The following IMPG1 variants were observed in gnomAD, a reference collection of about 807,000 sequenced individuals.
The protein encoded by IMPG1 is interphotoreceptor matrix proteoglycan 1, also known as interphotoreceptor matrix proteoglycan of 150 kDa.
IMPG1 carries 85 observed loss-of-function variants against 92.0 expected under a neutral mutation model. The ratio of observed to expected loss-of-function variants is 0.92; its 90% CI spans 0.78 to 1.11. IMPG1 has a LOEUF of 1.11. Among genes scored for constraint, IMPG1 ranks in the 50% least tolerant of loss-of-function variants. The pLI is 0.00. For synonymous variants in IMPG1, 367 were observed against 334.1 expected (o/e 1.10, Z -1.08); for missense variants, 1,022 against 956.0 (o/e 1.07, Z -0.91).
intron 5 of IMPG1, among the ~76,000 whole-genome samples, chr6:76,022,796 G>A (rs1562373630): frequency 6.6e-6 from 1 of 152,038 alleles, no homozygotes; most frequent in Non-Finnish European, 1.5e-5. Context: ...AAAGAAAAAA[G>A]CGTTATTATA....
chr6:76,039,519 C>A (rs1175122294), intron 2 of IMPG1, among the ~76,000 whole-genome samples: 3 of 152,122 alleles, frequency 2.0e-5, no homozygotes, highest in African/African-American at 7.2e-5. Flanking sequence ...CCATGCCCAG[C>A]TAATTTTTGT....
chr6:76,038,254 G>A (rs1783776063), intron 2 of IMPG1, among the ~76,000 whole-genome samples: 3 of 152,156 alleles, frequency 2.0e-5, no homozygotes, highest in African/African-American at 7.2e-5. Context: ...ACAGGACACA[G>A]AACTACTCAA....
At chr6:76,041,010 C>T (rs891579859) in intron 2 of IMPG1, among the ~76,000 whole-genome samples, 1 of 151,928 alleles carries the variant, frequency 6.6e-6, no homozygotes, top group Non-Finnish European at 1.5e-5. Flanking sequence ...CTAGTGTGAT[C>T]AAGATAGAAA....
At chr6:76,034,895 T>G in intron 2 of IMPG1, 108 bp from the exon 3 acceptor site, 1 of 872,444 alleles carries the variant, frequency 1.1e-6, no homozygotes, top group Non-Finnish European at 1.8e-6. Context: ...GTCGACACAC[T>G]AATTTACAGT....
intron 12 of IMPG1, among the ~76,000 whole-genome samples, chr6:75,999,265 A>C (rs2149475735): frequency 6.6e-6 from 1 of 152,324 alleles, no homozygotes; most frequent in Admixed American, 6.5e-5. Context: ...TATACAACAT[A>C]CCAATTCTTT....
intron 2 of IMPG1, 67 bp from the exon 3 acceptor site, chr6:76,034,854 T>C: frequency 7.4e-7 from 1 of 1,350,488 alleles, no homozygotes; most frequent in Non-Finnish European, 1.0e-6. Context: ...AAGCAAAGTC[T>C]AATAACATGG....
intron 12 of IMPG1, among the ~76,000 whole-genome samples, chr6:75,982,839 T>A (rs1466647336): frequency 6.6e-6 from 1 of 152,068 alleles, no homozygotes; most frequent in South Asian, 2.1e-4. Flanking sequence ...GTTTCTACTG[T>A]CACCAAAAGA....
intron 2 of IMPG1, among the ~76,000 whole-genome samples, chr6:76,040,252 A>G (rs1783812557): frequency 6.6e-6 from 1 of 152,242 alleles, no homozygotes; most frequent in Non-Finnish European, 1.5e-5. Context: ...AGCTGAGAAT[A>G]AAAATTCAGA....
At chr6:75,997,656 G>C (rs1782925035) in intron 12 of IMPG1, among the ~76,000 whole-genome samples, 1 of 152,202 alleles carries the variant, frequency 6.6e-6, no homozygotes, top group African/African-American at 2.4e-5. Flanking sequence ...ATATCCTCCA[G>C]GCATTTACTG....
At chr6:76,003,206 T>A (rs1390612815) in intron 11 of IMPG1, among the ~76,000 whole-genome samples, 1 of 152,228 alleles carries the variant, frequency 6.6e-6, no homozygotes, top group Non-Finnish European at 1.5e-5. Flanking sequence ...GATCTATTGC[T>A]TCTCGGATAA....
chr6:76,061,820 T>C (rs1210134148), intron 1 of IMPG1, among the ~76,000 whole-genome samples: 3 of 152,234 alleles, frequency 2.0e-5, no homozygotes. Context: ...GCAACTGGTA[T>C]TTCCATTATG....
intron 12 of IMPG1, among the ~76,000 whole-genome samples, chr6:75,965,280 A>G (rs1331211987): frequency 6.6e-6 from 1 of 152,184 alleles, no homozygotes; most frequent in Non-Finnish European, 1.5e-5. Context: ...GCTATTTTAC[A>G]GAGAGGCTGT....
chr6:75,988,523 C>G (rs1420540391), intron 12 of IMPG1, among the ~76,000 whole-genome samples: 1 of 152,086 alleles, frequency 6.6e-6, no homozygotes, highest in Non-Finnish European at 1.5e-5. Context: ...TAGATATTAG[C>G]CCTTTGGTGT....
intron 1 of IMPG1, among the ~76,000 whole-genome samples, chr6:76,044,774 C>T (rs1783908126): frequency 6.6e-6 from 1 of 152,146 alleles, no homozygotes; most frequent in South Asian, 2.1e-4. Flanking sequence ...AGTATCTACT[C>T]TACCCTGGCT....
At chr6:76,005,707 A>G (rs562413051) in intron 9 of IMPG1, among the ~76,000 whole-genome samples, 173 bp from the exon 10 acceptor site, 1 of 152,350 alleles carries the variant, frequency 6.6e-6, no homozygotes, top group Non-Finnish European at 1.5e-5. Context: ...TTAAAATATG[A>G]AAAAAGAATA....
In IMPG1 at chr6:75,951,112, T is replaced by C. The variant is rs2149457773; in HGVS notation, c.1292-18A>G. The C allele has an allele frequency of 6.4e-7, 1 of 1,553,140 alleles. No individual in the cohort carries two copies. Among genetic ancestry groups the C allele is most frequent in the Non-Finnish European group, 8.7e-7 (1 of 1,146,084 alleles). On this transcript the variant is annotated intron_variant, in intron 12 of 16. Coordinates refer to ENST00000369950, the MANE Select transcript of IMPG1 (RefSeq NM_001563.4). ...AGAAGTGTCTGTGGAGGAAGTACAATTTCATTATGTCCAAGTATTCCCCAA... is the reference window on the plus strand; with the variant it reads ...AGAAGTGTCTGTGGAGGAAGTACAACTTCATTATGTCCAAGTATTCCCCAA...
At chr6:75,953,878 T>C (rs1018668054) in intron 12 of IMPG1, among the ~76,000 whole-genome samples, 6 of 152,226 alleles carry the variant, frequency 3.9e-5, no homozygotes, top group African/African-American at 1.4e-4. Flanking sequence ...TTTTCTGTTC[T>C]TGTGTTAGTT....
In IMPG1 at chr6:75,924,677, T is replaced by TA. The variant is rs1491326657; in HGVS notation, c.2244-972_2244-971insT. ...TATATAATATATAATAAATTATATA[T>TA]TATATATTATATATAAATAATTATA... On this transcript the variant is annotated intron_variant, in intron 15 of 16. Coordinates refer to ENST00000369950, the MANE Select transcript of IMPG1 (RefSeq NM_001563.4). Among the ~76,000 whole-genome samples, 2 of 3,288 alleles carry TA rather than the reference T, an allele frequency of 6.1e-4. 1 individual carries two copies. Among genetic ancestry groups the TA allele is most frequent in the Non-Finnish European group, 1.4e-3 (2 of 1,476 alleles). The allele number at this position is 3,288 out of a possible 152,430, so 2.2% of individuals were successfully genotyped here.
chr6:75,945,712 A>G (rs1781915765), intron 14 of IMPG1, among the ~76,000 whole-genome samples: 1 of 152,146 alleles, frequency 6.6e-6, no homozygotes, highest in African/African-American at 2.4e-5. Flanking sequence ...AAGATTCAAC[A>G]TTTAGGGCTG....
Sources: allele counts gnomAD v4.1 joint callset (sites outside exome capture counted in the v4.1 genomes callset), GRCh38; gene constraint gnomAD v4.1.1; transcripts MANE v1.5; gene names NCBI Gene and HGNC (gene_info 2026-07-23, HGNC 2026-07-21).